FSTL5: variants seen among roughly 807,000 people sequenced by gnomAD.
FSTL5 encodes follistatin like 5, also known as follistatin-related protein 5.
A neutral mutation model predicts 89.1 loss-of-function variants in FSTL5; 62 were observed. That is an observed-to-expected ratio of 0.70 (90% CI 0.57 to 0.86). The LOEUF (loss-of-function observed/expected upper bound fraction) is 0.86, where lower values mean the gene tolerates loss of function less well. FSTL5 is among the 40% of genes least tolerant of loss of function. The pLI is 0.00. For synonymous variants in FSTL5, 383 were observed against 346.2 expected, an observed-to-expected ratio of 1.11 and a Z score of -1.18; for missense variants, 1,057 against 1,001.6, an observed-to-expected ratio of 1.06 and a Z score of -0.75.
intron 15 of FSTL5, among the ~76,000 whole-genome samples, chr4:161,408,071 G>A (rs1445956125): frequency 1.3e-5 from 2 of 152,160 alleles, no homozygotes; most frequent in Admixed American, 6.5e-5. Flanking sequence ...GTGGGCTGGT[G>A]TGGGACCTAA....
intron 7 of FSTL5, among the ~76,000 whole-genome samples, chr4:161,598,490 A>T (rs911978696): frequency 6.6e-6 from 1 of 152,152 alleles, no homozygotes; most frequent in African/African-American, 2.4e-5. Context: ...CAATCCTGAA[A>T]TAGAAAGAGA....
chr4:161,882,605 T>C (rs1732668812), intron 4 of FSTL5, among the ~76,000 whole-genome samples: 1 of 152,126 alleles, frequency 6.6e-6, no homozygotes, highest in Non-Finnish European at 1.5e-5. Context: ...TGACAAGCTC[T>C]TTATTAAGGA....
chr4:162,094,653 T>G (rs1730678404), intron 2 of FSTL5, among the ~76,000 whole-genome samples: 1 of 152,180 alleles, frequency 6.6e-6, no homozygotes, highest in South Asian at 2.1e-4. Flanking sequence ...TCCATTTATA[T>G]AAATTTCAAA....
chr4:161,984,466 T>C (rs1396854946), intron 3 of FSTL5, among the ~76,000 whole-genome samples: 1 of 152,112 alleles, frequency 6.6e-6, no homozygotes, highest in Admixed American at 6.6e-5. Flanking sequence ...TTGGTGCAAG[T>C]AAATCTCGAC....
At chr4:161,941,000 A>G (rs1358546961) in intron 3 of FSTL5, among the ~76,000 whole-genome samples, 4 of 151,874 alleles carry the variant, frequency 2.6e-5, no homozygotes, top group Admixed American at 2.0e-4. Flanking sequence ...TAAAGATGTA[A>G]TTTGTGAAAA....
intron 7 of FSTL5, among the ~76,000 whole-genome samples, chr4:161,617,220 A>C (rs1188829203): frequency 6.6e-6 from 1 of 152,082 alleles, no homozygotes; most frequent in African/African-American, 2.4e-5. Context: ...GGAGCTTAAA[A>C]GTCAATTAGG....
chr4:161,977,636 A>T (rs13133824), intron 3 of FSTL5, among the ~76,000 whole-genome samples: 72,594 of 103,826 alleles, frequency 0.7, 24,955 homozygotes, highest in Middle Eastern at 0.85. Context: ...AAAAAAAAAA[A>T]AAAAATAATA....
chr4:161,915,740 T>A (rs561586917), intron 4 of FSTL5, among the ~76,000 whole-genome samples: 4 of 152,066 alleles, frequency 2.6e-5, no homozygotes, highest in African/African-American at 9.6e-5. Flanking sequence ...ATCATCAACA[T>A]GCAGTTTCAA....
intron 1 of FSTL5, among the ~76,000 whole-genome samples, chr4:162,151,457 A>C (rs1458883554): frequency 1.3e-5 from 2 of 152,214 alleles, no homozygotes; most frequent in African/African-American, 2.4e-5. Context: ...GAAATAGAAC[A>C]AAAAATGATG....
At chr4:162,134,581 C>T (rs1732455458) in intron 1 of FSTL5, among the ~76,000 whole-genome samples, 1 of 152,156 alleles carries the variant, frequency 6.6e-6, no homozygotes, top group Non-Finnish European at 1.5e-5. Context: ...CACTACAGTA[C>T]CATTGGAAGA....
intron 2 of FSTL5, among the ~76,000 whole-genome samples, chr4:162,108,668 T>C (rs985265670): frequency 6.2e-4 from 94 of 151,828 alleles, no homozygotes; most frequent in African/African-American, 2.1e-3. Context: ...GAAAATTAAT[T>C]TGTATGATGC....
intron 1 of FSTL5, among the ~76,000 whole-genome samples, chr4:162,145,463 G>C (rs957802948): frequency 6.6e-6 from 1 of 152,034 alleles, no homozygotes; most frequent in Non-Finnish European, 1.5e-5. Flanking sequence ...GGACCTAAAA[G>C]TGTATTTCTC....
intron 7 of FSTL5, among the ~76,000 whole-genome samples, chr4:161,615,293 C>CAAAAAAAAAATAAA (rs1734815415): frequency 3.8e-5 from 1 of 26,456 alleles, no homozygotes; most frequent in Non-Finnish European, 7.1e-5. Context: ...GACTCTGTCT[C>CAAAAAAAAAATAAA]AAAAAAAAAA....
intron 6 of FSTL5, among the ~76,000 whole-genome samples, chr4:161,696,231 T>C (rs1347361181): frequency 6.6e-6 from 1 of 152,138 alleles, no homozygotes; most frequent in Non-Finnish European, 1.5e-5. Flanking sequence ...TTCCAGACTT[T>C]ATATTTTTGT....
At chr4:161,679,841 G>C (rs1310007404) in intron 6 of FSTL5, among the ~76,000 whole-genome samples, 2 of 151,710 alleles carry the variant, frequency 1.3e-5, no homozygotes, top group African/African-American at 4.8e-5. Flanking sequence ...ACAATGAAGG[G>C]TCATGCCCTC....
intron 8 of FSTL5, among the ~76,000 whole-genome samples, chr4:161,564,870 G>T (rs1017697794): frequency 7.3e-5 from 11 of 151,696 alleles, no homozygotes; most frequent in Admixed American, 3.3e-4. Flanking sequence ...CAAAAAATGA[G>T]CTGGAGGAAA....
chr4:161,912,469 G>C (rs1441660785), intron 4 of FSTL5, among the ~76,000 whole-genome samples: 1 of 152,104 alleles, frequency 6.6e-6, no homozygotes, highest in Admixed American at 6.6e-5. Flanking sequence ...GATCTGATGG[G>C]TTTATCAGGG....
chr4:161,709,329 T>C lies in FSTL5; in HGVS notation c.727+50082A>G, dbSNP rs565961694. ...TAAATTTGGAGAATTGTATCAGACA[T>C]ATTCTGTTTCTAATATAATCTTATT... is the stretch of plus-strand genomic sequence containing the variant. On this transcript the variant is annotated intron_variant, in intron 6 of 15. Coordinates refer to ENST00000306100, the MANE Select transcript of FSTL5 (RefSeq NM_020116.5). Among the ~76,000 whole-genome samples, 61 of 152,276 alleles carry C rather than the reference T, an allele frequency of 4.0e-4. No individual in the cohort carries two copies. The East Asian group carries it at 0.011, about 27-fold the overall frequency.
chr4:161,994,958 C>T (rs1406889627), intron 3 of FSTL5, among the ~76,000 whole-genome samples: 2 of 152,166 alleles, frequency 1.3e-5, no homozygotes, highest in Non-Finnish European at 2.9e-5. Flanking sequence ...AAATACTTGT[C>T]CATTCCTACA....
Sources: gnomAD v4.1 joint callset for allele counts (sites outside exome capture counted in the v4.1 genomes callset) on GRCh38, gnomAD v4.1.1 for gene constraint, MANE v1.5 for transcripts, NCBI Gene and HGNC (gene_info 2026-07-23, HGNC 2026-07-21) for gene names.